CFAP54: variants seen among roughly 807,000 people sequenced by gnomAD.
The protein encoded by CFAP54 is cilia- and flagella-associated protein 54.
Under a neutral mutation model 370.4 loss-of-function variants are expected in CFAP54, and 290 were observed. That is an observed-to-expected ratio of 0.78 (90% CI 0.71 to 0.86). The LOEUF is 0.86. CFAP54 is among the 40% of genes least tolerant of loss of function. CFAP54 has a pLI of 0.00. For missense variants in CFAP54, 3,399 were observed against 3,528.7 expected (o/e 0.96, Z 0.93); for synonymous variants, 1,206 against 1,236.5 (o/e 0.98, Z 0.52).
At chr12:96,549,894 C>A (rs541980260) in intron 15 of CFAP54, among the ~76,000 whole-genome samples, 1 of 152,036 alleles carries the variant, frequency 6.6e-6, no homozygotes, top group Non-Finnish European at 1.5e-5. Context: ...AAGGAGAATT[C>A]GCAATTCATA....
At chr12:96,663,997 A>C (rs1346678022) in intron 39 of CFAP54, 65 bp downstream of exon 39, 12 of 1,138,320 alleles carry the variant, frequency 1.1e-5, no homozygotes, top group Middle Eastern at 2.0e-4. Context: ...TGTGTTCTGC[A>C]TGTCAAACCT....
chr12:96,585,381 G>A (rs546364296), intron 22 of CFAP54, among the ~76,000 whole-genome samples: 1 of 152,124 alleles, frequency 6.6e-6, no homozygotes, highest in South Asian at 2.1e-4. Context: ...AAAACGTTAG[G>A]GCTTTTACTC....
At chr12:96,650,109 T>C (rs1956841990) in intron 35 of CFAP54, 37 bp downstream of exon 35, 1 of 1,525,564 alleles carries the variant, frequency 6.6e-7, no homozygotes, top group Non-Finnish European at 8.8e-7. Context: ...GTAGTAGACA[T>C]AAATTTCAGC....
intron 63 of CFAP54, among the ~76,000 whole-genome samples, chr12:96,797,023 G>T (rs1234029741): frequency 1.3e-5 from 2 of 152,014 alleles, no homozygotes; most frequent in Non-Finnish European, 2.9e-5. Flanking sequence ...TTATTATAGT[G>T]TTGACATCAT....
At position 96,653,455 on chromosome 12, in the gene CFAP54, C is replaced by T. The variant is rs571985876; in HGVS notation, c.5100+1640C>T. 3.3e-5 allele frequency among the ~76,000 whole-genome samples: 5 copies of T among 152,152 alleles called. No individual in the cohort carries two copies. The South Asian group carries it at 6.2e-4, about 19-fold the overall frequency. ...GACCATTACAGAATTAAATTATAAA[C>T]GGTTTGCCATAATATAGGAAGAAAA... On this transcript the variant is annotated intron_variant, in intron 36 of 67. Transcript: ENST00000524981.
chr12:96,539,321 A>C (rs1955545734), intron 13 of CFAP54, among the ~76,000 whole-genome samples: 1 of 151,932 alleles, frequency 6.6e-6, no homozygotes, highest in African/African-American at 2.4e-5. Context: ...GGTCTCTCAA[A>C]GTGCTGGGAT....
intron 50 of CFAP54, among the ~76,000 whole-genome samples, chr12:96,730,137 G>C (rs930027284): frequency 1.3e-5 from 2 of 152,132 alleles, no homozygotes; most frequent in African/African-American, 4.8e-5. Flanking sequence ...GATGGAAAAA[G>C]TCACCCAAGA....
intron 26 of CFAP54, among the ~76,000 whole-genome samples, chr12:96,602,306 C>T (rs1956251356): frequency 6.6e-6 from 1 of 152,194 alleles, no homozygotes; most frequent in Admixed American, 6.5e-5. Flanking sequence ...TTTGATTGCA[C>T]TCTGGTCTGA....
intron 25 of CFAP54, among the ~76,000 whole-genome samples, chr12:96,598,292 G>A (rs1956200767): frequency 6.6e-6 from 1 of 151,948 alleles, no homozygotes; most frequent in African/African-American, 2.4e-5. Flanking sequence ...CTTCCATTTG[G>A]TTTTTCAAGT....
At chr12:96,781,928 G>A (rs1804407474) in intron 60 of CFAP54, among the ~76,000 whole-genome samples, 1 of 151,894 alleles carries the variant, frequency 6.6e-6, no homozygotes, top group South Asian at 2.1e-4. Context: ...TCTGGGAGAG[G>A]GAATTTTATT....
At chr12:96,812,499 C>T (rs1317619549) in intron 64 of CFAP54, among the ~76,000 whole-genome samples, 1 of 152,098 alleles carries the variant, frequency 6.6e-6, no homozygotes. Flanking sequence ...CTCCATTGTT[C>T]ATTGCCCTTC....
intron 19 of CFAP54, among the ~76,000 whole-genome samples, chr12:96,574,854 C>T (rs2216199): frequency 0.012 from 1,762 of 151,962 alleles, 12 homozygotes; most frequent in South Asian, 0.042. Flanking sequence ...GTTTTTCAGA[C>T]GGTTATCAAA....
At chr12:96,716,318 T>C (rs1359003168) in intron 48 of CFAP54, among the ~76,000 whole-genome samples, 1 of 152,264 alleles carries the variant, frequency 6.6e-6, no homozygotes, top group Non-Finnish European at 1.5e-5. Context: ...CTTAATTCTT[T>C]TAGATCAGGG....
At chr12:96,660,984 G>A (rs1482365602) in intron 38 of CFAP54, among the ~76,000 whole-genome samples, 1 of 152,182 alleles carries the variant, frequency 6.6e-6, no homozygotes, top group Non-Finnish European at 1.5e-5. Flanking sequence ...GTGAGGCAGA[G>A]GGGAAGGGGC....
intron 33 of CFAP54, among the ~76,000 whole-genome samples, 194 bp from the exon 34 acceptor site, chr12:96,647,681 A>C (rs1014516901): frequency 4.6e-4 from 70 of 151,996 alleles, no homozygotes; most frequent in African/African-American, 1.5e-3. Flanking sequence ...TAAAATTCCT[A>C]AGAGCAAAAT....
intron 27 of CFAP54, 150 bp downstream of exon 27, chr12:96,621,871 G>GTTTCTTTTT (rs1290967830): frequency 1.9e-5 from 1 of 51,416 alleles, no homozygotes; most frequent in East Asian, 1.5e-3. Context: ...GAGCTTTTGG[G>GTTTCTTTTT]TTTGTTTTTT....
chr12:96,539,312 GTC>G (rs1457414269), intron 13 of CFAP54, among the ~76,000 whole-genome samples: 1 of 151,784 alleles, frequency 6.6e-6, no homozygotes, highest in Non-Finnish European at 1.5e-5. Flanking sequence ...ACCTGCTTTG[GTC>G]TCTCAAAGTG....
At chr12:96,580,745 T>G in intron 21 of CFAP54, 56 bp downstream of exon 21, 5 of 1,237,212 alleles carry the variant, frequency 4.0e-6, no homozygotes, top group Non-Finnish European at 4.4e-6. Context: ...ATAATTAAAT[T>G]TTTAAATGAA....
intron 65 of CFAP54, among the ~76,000 whole-genome samples, chr12:96,822,985 TC>T (rs1433547830): frequency 1.3e-5 from 2 of 152,208 alleles, no homozygotes; most frequent in African/African-American, 2.4e-5. Flanking sequence ...TTTTCCTATT[TC>T]CCCATTATCT....
Sources: allele counts gnomAD v4.1 joint callset (sites outside exome capture counted in the v4.1 genomes callset), GRCh38; gene constraint gnomAD v4.1.1; transcripts MANE v1.5; gene names NCBI Gene and HGNC (gene_info 2026-07-23, HGNC 2026-07-21).